KIF15: variants seen among roughly 807,000 people sequenced by gnomAD.
KIF15 encodes the protein kinesin-like protein KIF15.
Under a neutral mutation model 190.6 loss-of-function variants are expected in KIF15, and 140 were observed. The ratio of observed to expected loss-of-function variants is 0.73; its 90% CI spans 0.64 to 0.84. The LOEUF (loss-of-function observed/expected upper bound fraction) is 0.84, where lower values mean the gene tolerates loss of function less well. KIF15 is among the 40% of genes least tolerant of loss of function. KIF15 has a pLI of 0.00. For missense variants in KIF15, 1,372 were observed against 1,584.4 expected, an observed-to-expected ratio of 0.87 and a Z score of 2.28; for synonymous variants, 528 against 551.3, an observed-to-expected ratio of 0.96 and a Z score of 0.59.
intron 20 of KIF15, among the ~76,000 whole-genome samples, chr3:44,821,272 C>G (rs1708282012): frequency 6.6e-6 from 1 of 151,052 alleles, no homozygotes; most frequent in African/African-American, 2.4e-5. Flanking sequence ...CCCCCACCTC[C>G]CTCCTGGACG....
rs1575703187 is a variant in KIF15 at position 44,864,457 on chromosome 3, T to C, written c.*60-8872T>C. On this transcript the variant is annotated intron_variant and NMD_transcript_variant, in intron 6 of 6. Transcript: ENST00000422209. ...GAAAGGACAGGAACTGAAGCAGAGGTTGGGCTGTGGCTTGACCCCTGGATG... is the reference window on the plus strand; with the variant it reads ...GAAAGGACAGGAACTGAAGCAGAGGCTGGGCTGTGGCTTGACCCCTGGATG... 2.2e-6 allele frequency: 3 copies of C among 1,380,484 alleles called. No individual in the cohort carries two copies. The East Asian group carries it at 7.0e-5, about 32-fold the overall frequency. The allele number at this position is 1,380,484 out of a possible 1,614,324, so 85.5% of individuals were successfully genotyped here. A position where few individuals can be genotyped will look rare whatever the true frequency, so the allele number is the denominator to read the frequency against.
rs1249288098 is a variant in KIF15, at chr3:44,780,979, C to G, written c.361+57C>G. On this transcript the variant is annotated intron_variant, in intron 5 of 34. Transcript: ENST00000326047. The stretch of plus-strand genomic sequence containing the variant: ...CTACTCTTTCTGTGATAACAGTAAC[C>G]TACAACATTTTGGGGAAAGGCATAA... 6 of 1,260,096 alleles carry G rather than the reference C, an allele frequency of 4.8e-6. No homozygotes were observed. In the Admixed American group the frequency reaches 6.3e-5, roughly 13 times the overall value. The allele number at this position is 1,260,096 out of a possible 1,614,324, so 78.1% of individuals were successfully genotyped here.
intron 6 of KIF15, among the ~76,000 whole-genome samples, chr3:44,866,104 G>T (rs1190934053): frequency 3.5e-5 from 5 of 141,726 alleles, no homozygotes; most frequent in South Asian, 2.2e-4. Context: ...AGACAGTCTC[G>T]CTCTGTCACC....
chr3:44,803,645 A>G (rs1707374880), intron 14 of KIF15, among the ~76,000 whole-genome samples: 1 of 152,230 alleles, frequency 6.6e-6, no homozygotes, highest in African/African-American at 2.4e-5. Flanking sequence ...CTTTTATCAT[A>G]GACTTGGCCT....
chr3:44,797,746 G>T, intron 9 of KIF15, 70 bp downstream of exon 9: 2 of 1,604,054 alleles, frequency 1.2e-6, no homozygotes, highest in Non-Finnish European at 1.7e-6. Flanking sequence ...CAGTCTCTCA[G>T]CCTTGGTGGC....
At chr3:44,868,626 A>G (rs1699345254) in intron 6 of KIF15, among the ~76,000 whole-genome samples, 1 of 152,228 alleles carries the variant, frequency 6.6e-6, no homozygotes. Flanking sequence ...TTGCCAGCAC[A>G]TTGATCATGG....
rs1333982748 is a variant in KIF15, at chr3:44,801,821, T to C, written c.1356T>C (p.Phe452=). The change falls in exon 13 of 35, where the codon TTT becomes TTC. Residue 452 remains phenylalanine, a synonymous_variant. Coordinates refer to ENST00000326047, the MANE Select transcript of KIF15 (RefSeq NM_020242.3). ...LEDLTLKKEK[F]IQSNKMIVKF... ...ACCTCACCCTCAAAAAGGAAAAATT[T>C]ATTCAATCTAATAAAATGATTGTGA... 1.2e-6 allele frequency: 2 copies of C among 1,609,104 alleles called. No individual in the cohort carries two copies. The highest frequency in any genetic ancestry group is 2.7e-5 in the African/African-American group (2 of 74,842).
At chr3:44,791,778 C>T (rs1173297553) in intron 7 of KIF15, among the ~76,000 whole-genome samples, 1 of 152,154 alleles carries the variant, frequency 6.6e-6, no homozygotes, top group Non-Finnish European at 1.5e-5. Flanking sequence ...AGTGCAATGG[C>T]ATGATCTCAG....
rs778315847 is a variant in KIF15, at chr3:44,826,126, C to T, written c.2637C>T (p.Asp879=). The T allele has an allele frequency of 1.3e-5, 20 of 1,587,078 alleles. No homozygotes were observed. The highest frequency in any genetic ancestry group is 1.6e-5 in the Non-Finnish European group (19 of 1,173,326). Residue 879 remains aspartate (D), a synonymous_variant, in exon 21 of 35, where the codon GAC becomes GAT. Coordinates refer to ENST00000326047, the MANE Select transcript of KIF15 (RefSeq NM_020242.3). Reference sequence around the variant, plus strand: ...AAGAAATAATGAAATTTGAGATTGACCAACTTTCAAGAAACCTCCAAAACT... The same window carrying T: ...AAGAAATAATGAAATTTGAGATTGATCAACTTTCAAGAAACCTCCAAAACT... ...NLQEIMKFEI[D]QLSRNLQNFK...
intron 7 of KIF15, among the ~76,000 whole-genome samples, chr3:44,789,687 T>TAC (rs1419946841): frequency 1.2e-5 from 1 of 81,060 alleles, no homozygotes; most frequent in Non-Finnish European, 2.5e-5. Context: ...TATATATATA[T>TAC]ATATAAAATA....
At chr3:44,799,421 C>T (rs1344195193) in intron 10 of KIF15, 1 of 443,876 alleles carries the variant, frequency 2.3e-6, no homozygotes, top group African/African-American at 2.0e-5. Flanking sequence ...GGGGCTGTCA[C>T]AGGGTGTTTT....
At chr3:44,776,788 C>T (rs1559525186) in intron 3 of KIF15, among the ~76,000 whole-genome samples, 1 of 152,070 alleles carries the variant, frequency 6.6e-6, no homozygotes, top group Non-Finnish European at 1.5e-5. Context: ...TAGCCTCTAG[C>T]CAAATGTGAC....
chr3:44,854,356 G>C (rs1351922793), downstream of KIF15, among the ~76,000 whole-genome samples: 4 of 148,324 alleles, frequency 2.7e-5, no homozygotes, highest in African/African-American at 7.5e-5. Flanking sequence ...CTACACTCCA[G>C]CCTGGGCAAC....
At chr3:44,839,365 T>G (rs1476546623) in intron 27 of KIF15, among the ~76,000 whole-genome samples, 1 of 151,564 alleles carries the variant, frequency 6.6e-6, no homozygotes, top group South Asian at 2.1e-4. Flanking sequence ...AGAGAGAGAC[T>G]CCATCTCAAA....
At chr3:44,852,421 T>C in intron 34 of KIF15, 82 bp downstream of exon 34, 1 of 1,363,940 alleles carries the variant, frequency 7.3e-7, no homozygotes, top group Non-Finnish European at 1.0e-6. Context: ...AACTTAATTA[T>C]TGAATCAGTT....
intron 14 of KIF15, among the ~76,000 whole-genome samples, chr3:44,804,087 A>C (rs1707389022): frequency 6.6e-6 from 1 of 152,102 alleles, no homozygotes. Flanking sequence ...GCTTCAAATG[A>C]TCCACCCACT....
chr3:44,794,740 T>G (rs1041823961), intron 8 of KIF15, among the ~76,000 whole-genome samples: 1 of 152,098 alleles, frequency 6.6e-6, no homozygotes, highest in African/African-American at 2.4e-5. Context: ...GGCAGGTAGA[T>G]CACGAGGTCA....
intron 6 of KIF15, chr3:44,865,132 C>T (rs773325134): frequency 1.8e-5 from 29 of 1,614,044 alleles, no homozygotes; most frequent in Non-Finnish European, 2.4e-5. Flanking sequence ...CCCTAATCCA[C>T]AGGAAGCTCC....
At position 44,852,345 on chromosome 3, in the gene KIF15, C is replaced by T. The variant is rs1424463281; in HGVS notation, c.4104+6C>T. Reference sequence around the variant, plus strand: ...AAAATGTCAGGCTTGCTGAGGTAAACCTAAAAATTATTCTGAATAAATTCT... The same window carrying T: ...AAAATGTCAGGCTTGCTGAGGTAAATCTAAAAATTATTCTGAATAAATTCT... On this transcript the variant is annotated splice_donor_region_variant and intron_variant, in intron 34 of 34. Transcript: ENST00000326047. The T allele has an allele frequency of 3.1e-6, 5 of 1,596,812 alleles. No homozygotes were observed. In the East Asian group the frequency reaches 1.1e-4, roughly 36 times the overall value.
Sources: allele counts gnomAD v4.1 joint callset (sites outside exome capture counted in the v4.1 genomes callset), GRCh38; gene constraint gnomAD v4.1.1; transcripts MANE v1.5; gene names NCBI Gene and HGNC (gene_info 2026-07-23, HGNC 2026-07-21).